CSNK2A2: variants seen among roughly 807,000 people sequenced by gnomAD.
CSNK2A2 encodes casein kinase 2 alpha 2, also known as casein kinase II subunit alpha'.
In CSNK2A2, 8 loss-of-function variants were observed where a neutral mutation model predicts 54.0. That is an observed-to-expected ratio of 0.15 (90% CI 0.09 to 0.27). The LOEUF (loss-of-function observed/expected upper bound fraction) is 0.27, where lower values mean the gene tolerates loss of function less well. Among genes scored for constraint, CSNK2A2 ranks in the 10% least tolerant of loss-of-function variants. The probability of loss-of-function intolerance (pLI) is 1.00; values close to 1 mark genes in which losing one functional copy is unlikely to be tolerated. For synonymous variants in CSNK2A2, 141 were observed against 153.9 expected, an observed-to-expected ratio of 0.92 and a Z score of 0.62; for missense variants, 242 against 439.4, an observed-to-expected ratio of 0.55 and a Z score of 4.02.
chr16:58,181,632 AAAG>A (rs1567470032), intron 4 of CSNK2A2, among the ~76,000 whole-genome samples: 1 of 151,990 alleles, frequency 6.6e-6, no homozygotes, highest in African/African-American at 2.4e-5. Context: ...ATAAAACATA[AAAG>A]AACAGGATAC....
chr16:58,197,590 G>A lies in CSNK2A2; in HGVS notation c.104+43C>T, dbSNP rs957127507. 1.1e-5 allele frequency: 15 copies of A among 1,386,352 alleles called. No homozygotes were observed. Among genetic ancestry groups the A allele is most frequent in the African/African-American group, 1.5e-5 (1 of 66,710 alleles). 85.9% of individuals were successfully genotyped at this position (1,386,352 alleles called of 1,614,324 possible). On this transcript the variant is annotated intron_variant, in intron 1 of 11. Transcript: ENST00000262506. The surrounding 1 kb of genome is among the most constrained non-coding windows in gnomAD (Gnocchi z 4.0). ...GGTTCGCAGGGGGTGGCCGGGCGGG[G>A]GCAGGGATCAGCGGGCCCGGCGGGG...
intron 5 of CSNK2A2, among the ~76,000 whole-genome samples, chr16:58,171,592 G>C (rs1961737759): frequency 6.6e-6 from 1 of 151,964 alleles, no homozygotes; most frequent in African/African-American, 2.4e-5. Context: ...ATAATCTTCA[G>C]AGGAGACACT....
intron 5 of CSNK2A2, among the ~76,000 whole-genome samples, chr16:58,169,768 A>G (rs932702282): frequency 2.0e-5 from 3 of 152,160 alleles, no homozygotes; most frequent in Admixed American, 1.3e-4. Context: ...TTATCATTAT[A>G]AGGCCAGGCA....
intron 11 of CSNK2A2, chr16:58,159,615 T>A (rs934360199): frequency 9.9e-5 from 15 of 152,192 alleles, no homozygotes; most frequent in African/African-American, 2.7e-4. Flanking sequence ...AAAACAGGAT[T>A]TAACATGGCA....
chr16:58,194,987 A>G (rs1412474634), intron 2 of CSNK2A2, among the ~76,000 whole-genome samples: 1 of 152,136 alleles, frequency 6.6e-6, no homozygotes, highest in Non-Finnish European at 1.5e-5. Context: ...ATAGCACAAA[A>G]GTTCAGACAT....
Position 58,197,109 on chromosome 16 carries a change from G to T in CSNK2A2, c.105-265C>A, listed in dbSNP as rs773292453. On this transcript the variant is annotated intron_variant, in intron 1 of 11. Coordinates refer to ENST00000262506, the MANE Select transcript of CSNK2A2 (RefSeq NM_001896.4). The surrounding 1 kb of genome is among the most constrained non-coding windows in gnomAD (Gnocchi z 4.0). ...GAGCCAATCCAGAGGGGCGAGCAAA[G>T]CACCCGTCCTGAAGGCCTAGAGGGT... The T allele has an allele frequency of 2.7e-5, 12 of 442,232 alleles. No homozygotes were observed. The highest frequency in any genetic ancestry group is 1.4e-4 in the Admixed American group (4 of 29,472). The allele number at this position is 442,232 out of a possible 1,614,324, so 27.4% of individuals were successfully genotyped here.
intron 4 of CSNK2A2, among the ~76,000 whole-genome samples, chr16:58,181,859 A>G (rs1033491828): frequency 2.0e-5 from 3 of 152,188 alleles, no homozygotes. Flanking sequence ...AAATTTCAGA[A>G]GAGTGCAAAT....
intron 2 of CSNK2A2, among the ~76,000 whole-genome samples, chr16:58,195,081 G>A (rs916912386): frequency 1.3e-5 from 2 of 151,328 alleles, no homozygotes; most frequent in Non-Finnish European, 2.9e-5. Flanking sequence ...TTCAATTTAC[G>A]TTTTGCTTAT....
At chr16:58,180,152 A>C (rs1457490504) in intron 4 of CSNK2A2, among the ~76,000 whole-genome samples, 1 of 151,974 alleles carries the variant, frequency 6.6e-6, no homozygotes, top group Non-Finnish European at 1.5e-5. Flanking sequence ...GAAGAAGAAA[A>C]CCACTGAAAG....
chr16:58,191,784 G>A (rs1962327650), intron 2 of CSNK2A2, among the ~76,000 whole-genome samples: 1 of 151,982 alleles, frequency 6.6e-6, no homozygotes, highest in Admixed American at 6.6e-5. Context: ...AACATCACTC[G>A]CATGACCCAA....
At chr16:58,181,180 G>A (rs1292981659) in intron 4 of CSNK2A2, among the ~76,000 whole-genome samples, 1 of 152,168 alleles carries the variant, frequency 6.6e-6, no homozygotes, top group Non-Finnish European at 1.5e-5. Context: ...TAAGAACTAA[G>A]AAGATAGGAG....
chr16:58,161,923 C>G (rs185402091), intron 11 of CSNK2A2: 1 of 152,198 alleles, frequency 6.6e-6, no homozygotes, highest in Admixed American at 6.5e-5. Context: ...GGTGTCTGCA[C>G]CTACATCACC....
intron 3 of CSNK2A2, among the ~76,000 whole-genome samples, chr16:58,184,598 C>T (rs190446284): frequency 1.3e-5 from 2 of 152,312 alleles, no homozygotes; most frequent in Admixed American, 1.3e-4. Flanking sequence ...AAGTTCATTA[C>T]ATTTTTCATT....
At chr16:58,164,015 G>C (rs1057431249) in intron 11 of CSNK2A2, 39 bp downstream of exon 11, 25 of 1,478,004 alleles carry the variant, frequency 1.7e-5, no homozygotes, top group Non-Finnish European at 2.1e-5. Flanking sequence ...TTTGTGTTTG[G>C]TTGGTTGGTT....
chr16:58,174,011 TG>T (rs1961810371), intron 5 of CSNK2A2: 1 of 152,760 alleles, frequency 6.5e-6, no homozygotes, highest in South Asian at 2.1e-4. Flanking sequence ...GCCCCAGCTG[TG>T]GTCCTAGATT....
intron 5 of CSNK2A2, among the ~76,000 whole-genome samples, chr16:58,170,760 G>A (rs1363925864): frequency 2.0e-5 from 3 of 151,950 alleles, no homozygotes; most frequent in East Asian, 3.9e-4. Context: ...TGTGTCTACC[G>A]GCCATTCTAA....
At chr16:58,161,648 G>C (rs764540293) in intron 11 of CSNK2A2, 1 of 152,084 alleles carries the variant, frequency 6.6e-6, no homozygotes, top group African/African-American at 2.4e-5. Context: ...AATTTCGGGG[G>C]AGCTAGGTTT....
intron 2 of CSNK2A2, among the ~76,000 whole-genome samples, chr16:58,190,280 G>T (rs541153064): frequency 1.3e-5 from 2 of 152,026 alleles, no homozygotes; most frequent in South Asian, 4.2e-4. Context: ...AAGAACAACT[G>T]AACTGACAAA....
chr16:58,181,411 T>C (rs1439829455), intron 4 of CSNK2A2, among the ~76,000 whole-genome samples: 1 of 152,192 alleles, frequency 6.6e-6, no homozygotes, highest in Non-Finnish European at 1.5e-5. Flanking sequence ...CCCATGGTTC[T>C]CCTCAACTTG....
Sources: allele counts gnomAD v4.1 joint callset (sites outside exome capture counted in the v4.1 genomes callset), GRCh38; gene constraint gnomAD v4.1.1; non-coding constraint Gnocchi (gnomAD v3.1); transcripts MANE v1.5; gene names NCBI Gene and HGNC (gene_info 2026-07-23, HGNC 2026-07-21).